The following TMPRSS2 variants were observed in gnomAD, a reference collection of about 807,000 sequenced individuals.
TMPRSS2 encodes the protein transmembrane serine protease 2.
A neutral mutation model predicts 67.4 loss-of-function variants in TMPRSS2; 59 were observed. The ratio of observed to expected loss-of-function variants is 0.88; its 90% CI spans 0.71 to 1.09. TMPRSS2 has a LOEUF of 1.09. TMPRSS2 is among the 50% of genes least tolerant of loss of function. TMPRSS2 has a pLI of 0.00. For missense variants in TMPRSS2, 668 were observed against 642.7 expected, an observed-to-expected ratio of 1.04 and a Z score of -0.43; for synonymous variants, 257 against 257.0, an observed-to-expected ratio of 1.00 and a Z score of 0.00.
At position 41,464,514 on chromosome 21, in the gene TMPRSS2, G is replaced by C. The variant is rs1428347381; in HGVS notation, c.*1628C>G. 1 of 203,212 alleles carries C rather than the reference G, an allele frequency of 4.9e-6. No homozygotes were observed. Among genetic ancestry groups the C allele is most frequent in the Non-Finnish European group, 1.0e-5 (1 of 99,036 alleles). 12.6% of individuals were successfully genotyped at this position (203,212 alleles called of 1,614,324 possible). Reference sequence around the variant, plus strand: ...CCCCCTTATAAGGAAATGGAGGCTGGTCCTACTCACCAGGCAGAACTTCAA... The same window carrying C: ...CCCCCTTATAAGGAAATGGAGGCTGCTCCTACTCACCAGGCAGAACTTCAA... On this transcript the variant is annotated 3_prime_UTR_variant, in exon 14 of 14. Transcript: ENST00000332149.
In TMPRSS2 at chr21:41,480,546, A is replaced by C; in HGVS notation, c.502T>G (p.Trp168Gly). ...LQVYSSQRKSWHPVCQDDWNE... is the reference protein window; with the variant it reads ...LQVYSSQRKSGHPVCQDDWNE... Reference sequence around the variant, plus strand: ...CAGTCGTCTTGGCACACAGGGTGCCAGGACTTCCTCTGAGATGAGTACACC... The same window carrying C: ...CAGTCGTCTTGGCACACAGGGTGCCCGGACTTCCTCTGAGATGAGTACACC... Residue 168 changes from tryptophan to glycine, a missense_variant, in exon 6 of 14, where the codon TGG becomes GGG. Physicochemically the swap from Trp to Gly is radical, Grantham distance 184 (BLOSUM62 -2). Coordinates refer to ENST00000332149, the MANE Select transcript of TMPRSS2 (RefSeq NM_005656.4). 6.2e-7 allele frequency: 1 copy of C among 1,613,850 alleles called. No individual in the cohort carries two copies. Among genetic ancestry groups the C allele is most frequent in the Non-Finnish European group, 8.5e-7 (1 of 1,180,040 alleles).
At chr21:41,472,020 A>C in intron 9 of TMPRSS2, 39 bp from the exon 10 acceptor site, 1 of 1,540,018 alleles carries the variant, frequency 6.5e-7, no homozygotes, top group Non-Finnish European at 8.8e-7. Context: ...AGAGCCATAA[A>C]CACAGAGCTC....
At chr21:41,495,857 C>T (rs2091377793) in intron 2 of TMPRSS2, among the ~76,000 whole-genome samples, 1 of 151,356 alleles carries the variant, frequency 6.6e-6, no homozygotes, top group Non-Finnish European at 1.5e-5. Flanking sequence ...TCTGCATCTG[C>T]TGAAAAGCCA....
rs61735789 is a variant in TMPRSS2 at position 41,480,508 on chromosome 21, G to C, written c.540C>G (p.Tyr180Ter). 6.2e-7 allele frequency: 1 copy of C among 1,613,676 alleles called. No homozygotes were observed. Among genetic ancestry groups the C allele is most frequent in the Non-Finnish European group, 8.5e-7 (1 of 1,180,038 alleles). ...CCATGTCCCTGCAGGCCGCCCGCCCGTAGTTCTCGTTCCAGTCGTCTTGGC... is the reference window on the plus strand; with the variant it reads ...CCATGTCCCTGCAGGCCGCCCGCCCCTAGTTCTCGTTCCAGTCGTCTTGGC... ...PVCQDDWNEN[Y>*]GRAACRDMGY... Residue 180 changes from tyrosine (Y) to a stop codon, truncating the protein, a stop_gained, in exon 6 of 14, where the codon TAC becomes TAG. Coordinates refer to ENST00000332149, the MANE Select transcript of TMPRSS2 (RefSeq NM_005656.4). LOFTEE classifies it high-confidence loss of function.
Position 41,464,795 on chromosome 21 carries a change from C to A in TMPRSS2, c.*1347G>T, listed in dbSNP as rs2091071431. The A allele has an allele frequency of 4.3e-6, 1 of 233,326 alleles. No individual in the cohort carries two copies. Among genetic ancestry groups the A allele is most frequent in the South Asian group, 1.8e-4 (1 of 5,530 alleles). 14.5% of individuals were successfully genotyped at this position (233,326 alleles called of 1,614,324 possible). On this transcript the variant is annotated 3_prime_UTR_variant, in exon 14 of 14. Coordinates refer to ENST00000332149, the MANE Select transcript of TMPRSS2 (RefSeq NM_005656.4). ...ATGCTGCTCTCTACAGAGGCATGTG[C>A]ACAGACAGATCCTGCAAATGGGATT...
chr21:41,471,671 A>C, intron 10 of TMPRSS2, 135 bp downstream of exon 10: 1 of 1,013,958 alleles, frequency 9.9e-7, no homozygotes, highest in Non-Finnish European at 1.4e-6. Context: ...AGCCTCTCCC[A>C]TTGGCCACCC....
At chr21:41,467,016 G>A (rs2091090647) in intron 13 of TMPRSS2, among the ~76,000 whole-genome samples, 2 of 152,124 alleles carry the variant, frequency 1.3e-5, no homozygotes, top group Admixed American at 1.3e-4. Context: ...CTAACCTTGG[G>A]GGCTGCCCAG....
intron 2 of TMPRSS2, 91 bp downstream of exon 2, chr21:41,498,028 C>T: frequency 4.0e-6 from 4 of 994,474 alleles, no homozygotes; most frequent in South Asian, 1.5e-5. Flanking sequence ...ACAAATAGCC[C>T]TTGCAATTGC....
chr21:41,469,119 C>T (rs1291792069), intron 11 of TMPRSS2, among the ~76,000 whole-genome samples: 1 of 152,218 alleles, frequency 6.6e-6, no homozygotes, highest in Non-Finnish European at 1.5e-5. Context: ...CACACCTTCT[C>T]CCACCCCAAA....
rs376158219 is a variant in TMPRSS2, at chr21:41,480,526, G to A, written c.522C>T (p.Asp174=). 5.6e-5 allele frequency: 90 copies of A among 1,613,622 alleles called. No homozygotes were observed. The highest frequency in any genetic ancestry group is 6.7e-5 in the East Asian group (3 of 44,902). The part of the protein sequence containing the change: ...QRKSWHPVCQ[D]DWNENYGRAA... ...CCCGCCCGTAGTTCTCGTTCCAGTC[G>A]TCTTGGCACACAGGGTGCCAGGACT... Residue 174 remains aspartate (D), a synonymous_variant, in exon 6 of 14, where the codon GAC becomes GAT. Transcript: ENST00000332149.
chr21:41,468,027 C>G, intron 12 of TMPRSS2, 141 bp from the exon 13 acceptor site: 1 of 846,898 alleles, frequency 1.2e-6, no homozygotes. Flanking sequence ...TCTCCACCAT[C>G]AAGGGGTGAT....
chr21:41,507,940 G>A, intron 1 of TMPRSS2, 141 bp downstream of exon 1: 1 of 1,488,782 alleles, frequency 6.7e-7, no homozygotes, highest in Non-Finnish European at 8.9e-7. Flanking sequence ...CGACCCTCGG[G>A]CGCACTCACC....
intron 1 of TMPRSS2, among the ~76,000 whole-genome samples, chr21:41,502,066 C>A (rs1871332866): frequency 6.6e-6 from 1 of 152,200 alleles, no homozygotes; most frequent in South Asian, 2.1e-4. Context: ...CTCACAATGG[C>A]ACACAGCTGT....
At chr21:41,498,382 C>T (rs950451207) in intron 1 of TMPRSS2, among the ~76,000 whole-genome samples, 193 bp from the exon 2 acceptor site, 7 of 152,174 alleles carry the variant, frequency 4.6e-5, no homozygotes, top group African/African-American at 1.7e-4. Flanking sequence ...TTGGGACCCA[C>T]TTGTGCCTTA....
chr21:41,503,971 C>T (rs374651292), intron 1 of TMPRSS2, among the ~76,000 whole-genome samples: 7 of 152,200 alleles, frequency 4.6e-5, no homozygotes, highest in South Asian at 4.1e-4. Flanking sequence ...CTGAGTGCCC[C>T]GCCAGGACAG....
At chr21:41,492,231 C>T (rs1274689267) in intron 3 of TMPRSS2, among the ~76,000 whole-genome samples, 5 of 151,970 alleles carry the variant, frequency 3.3e-5, no homozygotes, top group Admixed American at 1.3e-4. Flanking sequence ...AAAAAACCCA[C>T]GCACACAAAA....
chr21:41,494,229 G>A (rs2091360186), intron 3 of TMPRSS2, 127 bp downstream of exon 3: 1 of 1,013,502 alleles, frequency 9.9e-7, no homozygotes, highest in Non-Finnish European at 1.5e-6. Flanking sequence ...GCTGGCTCCG[G>A]AAGACGGAGG....
At chr21:41,498,975 G>A (rs913523407) in intron 1 of TMPRSS2, among the ~76,000 whole-genome samples, 1 of 152,224 alleles carries the variant, frequency 6.6e-6, no homozygotes, top group Non-Finnish European at 1.5e-5. Context: ...CCCCGAGAAC[G>A]TCCACAGGCA....
intron 3 of TMPRSS2, 84 bp from the exon 4 acceptor site, chr21:41,489,677 A>G (rs1216490670): frequency 1.2e-6 from 1 of 816,582 alleles, no homozygotes; most frequent in Non-Finnish European, 2.0e-6. Context: ...TTTTTATAGT[A>G]CACCACATTA....
Sources: gnomAD v4.1 joint callset for allele counts (sites outside exome capture counted in the v4.1 genomes callset) on GRCh38, gnomAD v4.1.1 for gene constraint, MANE v1.5 for transcripts, NCBI Gene and HGNC (gene_info 2026-07-23, HGNC 2026-07-21) for gene names.